CCDC40: variants seen among roughly 807,000 people sequenced by gnomAD.
CCDC40 encodes the protein coiled-coil domain-containing protein 40.
In CCDC40, 104 loss-of-function variants were observed where a neutral mutation model predicts 124.5. The ratio of observed to expected loss-of-function variants is 0.84; its 90% confidence interval spans 0.71 to 0.98. CCDC40 has a LOEUF of 0.98. CCDC40 is among the 50% of genes least tolerant of loss of function. The probability of loss-of-function intolerance (pLI) is 0.00; values close to 1 mark genes in which losing one functional copy is unlikely to be tolerated. For missense variants in CCDC40, 1,463 were observed against 1,503.9 expected, an observed-to-expected ratio of 0.97 and a Z score of 0.45; for synonymous variants, 580 against 602.9, an observed-to-expected ratio of 0.96 and a Z score of 0.56.
intron 10 of CCDC40, chr17:80,067,957 G>A: frequency 8.8e-7 from 1 of 1,131,152 alleles, no homozygotes; most frequent in South Asian, 3.2e-5. Flanking sequence ...TTCACAACGA[G>A]TGAGAGAGCC....
In CCDC40 at chr17:80,066,479, C is replaced by T. The variant is rs2038049594; in HGVS notation, c.1562+873C>T. 9.5e-6 allele frequency: 3 copies of T among 316,642 alleles called. No homozygotes were observed. The South Asian group carries it at 1.4e-4, about 14-fold the overall frequency. 19.6% of individuals were successfully genotyped at this position (316,642 alleles called of 1,614,324 possible). A position where few individuals can be genotyped will look rare whatever the true frequency, so the allele number is the denominator to read the frequency against. The stretch of plus-strand genomic sequence containing the variant: ...TGGATTAACCATACTCATTTCTGGC[C>T]AGGCGCAGTGGCTCGCACCTGTAAT... On this transcript the variant is annotated intron_variant, in intron 10 of 19. Transcript: ENST00000397545. The surrounding 1 kb of genome is among the most constrained non-coding windows in gnomAD (Gnocchi z 4.4).
At chr17:80,074,881 TA>T (rs1456655148) in intron 10 of CCDC40, among the ~76,000 whole-genome samples, 1 of 152,160 alleles carries the variant, frequency 6.6e-6, no homozygotes, top group Non-Finnish European at 1.5e-5. Flanking sequence ...CCATTCTAGA[TA>T]ACGTTAAGGA....
intron 7 of CCDC40, among the ~76,000 whole-genome samples, chr17:80,054,309 A>G (rs1403661379): frequency 6.6e-6 from 1 of 152,134 alleles, no homozygotes; most frequent in Non-Finnish European, 1.5e-5. Context: ...AAAGCTATGC[A>G]TTGTACTGGT....
intron 10 of CCDC40, among the ~76,000 whole-genome samples, chr17:80,068,266 C>G (rs1377982821): frequency 6.6e-6 from 1 of 152,194 alleles, no homozygotes; most frequent in African/African-American, 2.4e-5. Context: ...ACCCCTACCT[C>G]AGGTGATCCA....
In CCDC40 at chr17:80,088,028, C is replaced by T. The variant is rs1197603099; in HGVS notation, c.2637C>T (p.Thr879=). 2 of 1,613,558 alleles carry T rather than the reference C, an allele frequency of 1.2e-6. No homozygotes were observed. The highest frequency in any genetic ancestry group is 2.2e-5 in the South Asian group (2 of 91,058). ...VRSLKASERE[T]IKMQDKLNQL... is the part of the protein sequence containing the mutation. ...CCATGCAGGCCTCTGAGAGGGAGAC[C>T]ATCAAGATGCAGGACAAGCTGAACC... is the stretch of plus-strand genomic sequence containing the variant. Residue 879 remains threonine, a synonymous_variant, in exon 16 of 20, where the codon ACC becomes ACT. Coordinates refer to ENST00000397545, the MANE Select transcript of CCDC40 (RefSeq NM_017950.4).
Position 80,065,584 on chromosome 17 carries a change from A to G in CCDC40, c.1540A>G (p.Arg514Gly), listed in dbSNP as rs1373504506. ...CATGAAGCACCGCGACGAGGCGCAC[A>G]GGGCGGTGCTGGAGGCGCTCAGGTA... ...VGMKHRDEAH[R>G]AVLEALRGCQ... Residue 514 changes from arginine (R) to glycine (G), a missense_variant, in exon 10 of 20, where the codon AGG (arginine) becomes GGG (glycine). By Grantham distance (125) the Arg-to-Gly change is moderately radical. Transcript: ENST00000397545. 6.2e-7 allele frequency: 1 copy of G among 1,612,758 alleles called. No individual in the cohort carries two copies. Among genetic ancestry groups the G allele is most frequent in the South Asian group, 1.1e-5 (1 of 91,058 alleles).
intron 19 of CCDC40, among the ~76,000 whole-genome samples, chr17:80,098,412 G>A (rs1330214156): frequency 1.3e-5 from 2 of 152,264 alleles, no homozygotes; most frequent in African/African-American, 2.4e-5. Context: ...GCATGGATGC[G>A]GGGGGCACCT....
intron 17 of CCDC40, among the ~76,000 whole-genome samples, chr17:80,091,547 T>C (rs539405009): frequency 3.4e-3 from 13 of 3,792 alleles, no homozygotes; most frequent in African/African-American, 0.031. Context: ...ACCACCTTCT[T>C]CTGCCTTTTC....
chr17:80,089,732 A>G (rs756896778), intron 16 of CCDC40, 32 bp from the exon 17 acceptor site: 6 of 1,613,510 alleles, frequency 3.7e-6, no homozygotes, highest in East Asian at 2.2e-5. Context: ...GAAAACTCCT[A>G]ATTTCTTACA....
chr17:80,041,227 G>C (rs1465921223), intron 3 of CCDC40, among the ~76,000 whole-genome samples: 1 of 152,148 alleles, frequency 6.6e-6, no homozygotes, highest in Non-Finnish European at 1.5e-5. Flanking sequence ...TAGAAATTGG[G>C]TCGGGCATGG....
At chr17:80,088,884 T>G (rs902262649) in intron 16 of CCDC40, among the ~76,000 whole-genome samples, 1 of 152,206 alleles carries the variant, frequency 6.6e-6, no homozygotes, top group African/African-American at 2.4e-5. Flanking sequence ...AGAGTCTGTC[T>G]ACCCCCCTTG....
chr17:80,068,691 CT>C (rs1331219306), intron 10 of CCDC40, among the ~76,000 whole-genome samples: 2 of 152,098 alleles, frequency 1.3e-5, no homozygotes, highest in Non-Finnish European at 2.9e-5. Flanking sequence ...GCAGGACCCC[CT>C]GGCCCAGAAG....
chr17:80,037,720 T>TATATATATATATATATATATATA (rs1555889200), intron 1 of CCDC40, among the ~76,000 whole-genome samples: 76 of 141,400 alleles, frequency 5.4e-4, no homozygotes, highest in Non-Finnish European at 7.4e-4. Flanking sequence ...TATATATATA[T>TATATATATATATATATATATATA]TCCTGTGCTA....
At chr17:80,083,622 C>T (rs2038510941) in intron 12 of CCDC40, among the ~76,000 whole-genome samples, 1 of 152,208 alleles carries the variant, frequency 6.6e-6, no homozygotes, top group African/African-American at 2.4e-5. Flanking sequence ...TCTCCCTGTT[C>T]CCAGAGCAGC....
rs185157579 is a variant in CCDC40 at position 80,065,503 on chromosome 17, G to A, written c.1459G>A (p.Ala487Thr). The change falls in exon 10 of 20, where the codon GCC (alanine) becomes ACC (threonine). Residue 487 changes from alanine (A) to threonine (T), a missense_variant. Transcript: ENST00000397545. ...AVSEACTEID[A>T]ISVEKRRIMQ... ...GCTGCAGGCCTGCACCGAGATCGAC[G>A]CCATCAGCGTGGAGAAGAGGCGCAT... 1.7e-4 allele frequency: 281 copies of A among 1,612,274 alleles called. 3 individuals are homozygous for A. In the East Asian group the frequency reaches 5.3e-3, roughly 30 times the overall value.
chr17:80,055,997 TATATATATATATATATA>T (rs2037729099), intron 7 of CCDC40, among the ~76,000 whole-genome samples: 2 of 11,934 alleles, frequency 1.7e-4, no homozygotes, highest in African/African-American at 3.2e-4. Context: ...TATATATATA[TATATATATATATATATA>T]TATTTTTTTT....
chr17:80,089,186 A>AT (rs1323582842), intron 16 of CCDC40, among the ~76,000 whole-genome samples: 1 of 152,114 alleles, frequency 6.6e-6, no homozygotes, highest in Non-Finnish European at 1.5e-5. Context: ...GCACTTTAGT[A>AT]TTTTCATGGC....
At chr17:80,059,358 C>T (rs1215474977) in intron 9 of CCDC40, among the ~76,000 whole-genome samples, 5 of 152,052 alleles carry the variant, frequency 3.3e-5, no homozygotes, top group Non-Finnish European at 7.4e-5. Flanking sequence ...GCCGGCCTTC[C>T]GGGTAGCTCC....
Position 80,068,090 on chromosome 17 carries a change from G to A in CCDC40, c.1562+2484G>A, listed in dbSNP as rs144699929. On this transcript the variant is annotated intron_variant, in intron 10 of 19. Coordinates refer to ENST00000397545, the MANE Select transcript of CCDC40 (RefSeq NM_017950.4). ...GCTCTGTCCCCCAGGCTGGAGTGCA[G>A]TGGCACCATCTCTGCTCACTGCGAC... 2,629 of 629,658 alleles carry A rather than the reference G, an allele frequency of 4.2e-3. 66 individuals are homozygous for A. The African/African-American group carries it at 0.051, about 12-fold the overall frequency. 39.0% of individuals were successfully genotyped at this position (629,658 alleles called of 1,614,324 possible). A position where few individuals can be genotyped will look rare whatever the true frequency, so the allele number is the denominator to read the frequency against.
Sources: allele counts gnomAD v4.1 joint callset (sites outside exome capture counted in the v4.1 genomes callset), GRCh38; gene constraint gnomAD v4.1.1; non-coding constraint Gnocchi (gnomAD v3.1); transcripts MANE v1.5; gene names NCBI Gene and HGNC (gene_info 2026-07-23, HGNC 2026-07-21).